The following RBFOX1 variants were observed in gnomAD, a reference collection of about 807,000 sequenced individuals.
RBFOX1 encodes the protein RNA binding fox-1 homolog 1.
RBFOX1 carries 8 observed loss-of-function variants against 57.7 expected under a neutral mutation model. The ratio of observed to expected loss-of-function variants is 0.14; its 90% CI spans 0.08 to 0.25. The LOEUF (loss-of-function observed/expected upper bound fraction) is 0.25, where lower values mean the gene tolerates loss of function less well. RBFOX1 is among the 10% of genes least tolerant of loss of function. The pLI is 1.00. For synonymous variants in RBFOX1, 326 were observed against 222.4 expected (o/e 1.47, Z -4.15); for missense variants, 611 against 548.5 (o/e 1.11, Z -1.14).
chr16:5,889,503 G>T (rs1302887992), intron 4 of RBFOX1, among the ~76,000 whole-genome samples: 1 of 152,172 alleles, frequency 6.6e-6, no homozygotes, highest in Non-Finnish European at 1.5e-5. Flanking sequence ...TCTTTACTAT[G>T]TGAAATAGTG....
At chr16:7,228,227 T>TTGAATGAATGAA (rs58948380) in intron 4 of RBFOX1, among the ~76,000 whole-genome samples, 3 of 151,990 alleles carry the variant, frequency 2.0e-5, no homozygotes, top group African/African-American at 7.3e-5. Context: ...TACATATTTG[T>TTGAATGAATGAA]TGAATGAATG....
chr16:7,093,038 T>C (rs1264848883), intron 4 of RBFOX1, among the ~76,000 whole-genome samples: 1 of 152,236 alleles, frequency 6.6e-6, no homozygotes, highest in East Asian at 1.9e-4. Flanking sequence ...AATTTTCGTT[T>C]TTTATTCCAA....
chr16:6,019,860 G>T lies in RBFOX1; in HGVS notation c.-259G>T. Reference sequence around the variant, plus strand: ...ACCTGCCCGCGAAGTTGCGGACAGTGCGTGAGAAACCAGCACCCCCTTCCG... The same window carrying T: ...ACCTGCCCGCGAAGTTGCGGACAGTTCGTGAGAAACCAGCACCCCCTTCCG... On this transcript the variant is annotated 5_prime_UTR_variant, in exon 1 of 16. Transcript: ENST00000550418. The surrounding 1 kb of genome is among the most constrained non-coding windows in gnomAD (Gnocchi z 4.2). 1 of 1,534,008 alleles carries T rather than the reference G, an allele frequency of 6.5e-7. No individual in the cohort carries two copies. Among genetic ancestry groups the T allele is most frequent in the Non-Finnish European group, 8.7e-7 (1 of 1,146,054 alleles).
chr16:5,680,615 G>A (rs1331206823), intron 3 of RBFOX1, among the ~76,000 whole-genome samples: 2 of 152,180 alleles, frequency 1.3e-5, no homozygotes, highest in East Asian at 3.9e-4. Context: ...AGTAGAAGTG[G>A]CTGTTAAAGT....
At position 6,361,628 on chromosome 16, in the gene RBFOX1, T is replaced by TTAAAAAAAAAAAAAAA. The variant is rs1371587081; in HGVS notation, c.-64+44571_-64+44572insTAAAAAAAAAAAAAAA. On this transcript the variant is annotated intron_variant, in intron 2 of 15. Transcript: ENST00000550418. Reference sequence around the variant, plus strand: ...GGGTGACACATTGAGACTCTGTCTCTAAAAAAAAAAAAAAAAATCATGGTC... The same window carrying TTAAAAAAAAAAAAAAA: ...GGGTGACACATTGAGACTCTGTCTCTTAAAAAAAAAAAAAAAAAAAAAAAAAAAAAAAATCATGGTC... Among the ~76,000 whole-genome samples, 196 of 127,904 alleles carry TTAAAAAAAAAAAAAAA rather than the reference T, an allele frequency of 1.5e-3. 1 individual carries two copies. The highest frequency in any genetic ancestry group is 5.3e-3 in the African/African-American group (181 of 34,368). The allele number at this position is 127,904 out of a possible 152,430, so 83.9% of individuals were successfully genotyped here. A position where few individuals can be genotyped will look rare whatever the true frequency, so the allele number is the denominator to read the frequency against.
At chr16:5,939,043 G>A (rs1413672134) in intron 4 of RBFOX1, among the ~76,000 whole-genome samples, 1 of 151,986 alleles carries the variant, frequency 6.6e-6, no homozygotes, top group Non-Finnish European at 1.5e-5. Context: ...ATTGAACAAT[G>A]AGAACACTTG....
chr16:7,437,196 C>T (rs1303518827), intron 4 of RBFOX1, among the ~76,000 whole-genome samples: 1 of 151,968 alleles, frequency 6.6e-6, no homozygotes, highest in Non-Finnish European at 1.5e-5. Context: ...TTTCCAAGTT[C>T]ACAATCACAA....
chr16:5,999,687 G>C lies in RBFOX1; in HGVS notation c.351+132352G>C, dbSNP rs150523938. ...CCATTCTGGCTAACACGGTGAAACC[G>C]TGTCTCTACTAAAAATACAAAAAAT... On this transcript the variant is annotated intron_variant, in intron 4 of 19. Transcript: ENST00000641259. Among the ~76,000 whole-genome samples the C allele has an allele frequency of 4.8e-3, 722 of 151,668 alleles. 8 individuals are homozygous for C. Among genetic ancestry groups the C allele is most frequent in the African/African-American group, 0.017 (687 of 41,396 alleles).
chr16:5,406,890 G>C (rs944886573), intron 1 of RBFOX1, among the ~76,000 whole-genome samples: 1 of 152,168 alleles, frequency 6.6e-6, no homozygotes, highest in African/African-American at 2.4e-5. Flanking sequence ...GGAGTACCTG[G>C]TGACAGCAGT....
intron 2 of RBFOX1, among the ~76,000 whole-genome samples, chr16:6,600,375 C>T (rs1051627060): frequency 6.6e-6 from 1 of 152,140 alleles, no homozygotes; most frequent in African/African-American, 2.4e-5. Context: ...CAGTCTGTCA[C>T]ATGTTCCGTT....
intron 2 of RBFOX1, among the ~76,000 whole-genome samples, chr16:6,350,444 GAAAAAAAAAAAAAAAAAAAAAA>G (rs569363563): frequency 0.011 from 848 of 74,474 alleles, 20 homozygotes; most frequent in Non-Finnish European, 0.016. Flanking sequence ...TCTGTCTCAA[GAAAAAAAAAAAAAAAAAAAAAA>G]AAAAAAAAAA....
chr16:7,561,937 T>G (rs973298137), intron 5 of RBFOX1, among the ~76,000 whole-genome samples: 3 of 152,058 alleles, frequency 2.0e-5, no homozygotes, highest in Admixed American at 6.6e-5. Context: ...CGAACTTTTG[T>G]GTTAAATTGA....
chr16:6,316,706 T>C lies in RBFOX1; in HGVS notation c.-126-289T>C, dbSNP rs146023896. Among the ~76,000 whole-genome samples, 504 of 152,286 alleles carry C rather than the reference T, an allele frequency of 3.3e-3. 4 individuals carry two copies. The highest frequency in any genetic ancestry group is 0.011 in the African/African-American group (476 of 41,562). ...CCGAGTTCAAATTCAGGCTTCACGA[T>C]GTACATGCATGTCTTGTCAACTGTG... is the stretch of plus-strand genomic sequence containing the variant. On this transcript the variant is annotated intron_variant, in intron 1 of 15. Coordinates refer to ENST00000550418, the MANE Select transcript of RBFOX1 (RefSeq NM_018723.4).
At chr16:6,540,307 C>T (rs962255544) in intron 2 of RBFOX1, among the ~76,000 whole-genome samples, 7 of 89,468 alleles carry the variant, frequency 7.8e-5, no homozygotes, top group Non-Finnish European at 1.1e-4. Context: ...AGCTGGCTGG[C>T]TGTAAAAAAA....
intron 1 of RBFOX1, among the ~76,000 whole-genome samples, chr16:5,316,159 C>G (rs1000789740): frequency 6.6e-6 from 1 of 152,236 alleles, no homozygotes; most frequent in Admixed American, 6.5e-5. Flanking sequence ...CCCACTTTTC[C>G]TCCTTTACCT....
intron 14 of RBFOX1, among the ~76,000 whole-genome samples, chr16:7,696,262 T>G (rs538537339): frequency 6.6e-6 from 1 of 152,316 alleles, no homozygotes; most frequent in East Asian, 1.9e-4. Flanking sequence ...GGGTATCACT[T>G]GGGACTAGGC....
At chr16:5,589,251 G>A (rs2046930519) in intron 2 of RBFOX1, among the ~76,000 whole-genome samples, 1 of 152,138 alleles carries the variant, frequency 6.6e-6, no homozygotes, top group Non-Finnish European at 1.5e-5. Flanking sequence ...GTGTACCAAG[G>A]GAATGCTTCT....
chr16:5,802,152 C>G (rs1419763543), intron 3 of RBFOX1, among the ~76,000 whole-genome samples: 1 of 152,128 alleles, frequency 6.6e-6, no homozygotes, highest in Non-Finnish European at 1.5e-5. Flanking sequence ...TTTAACTCCC[C>G]TTACTCCATG....
chr16:6,908,780 C>G (rs1028472382), intron 3 of RBFOX1, among the ~76,000 whole-genome samples: 31 of 152,296 alleles, frequency 2.0e-4, no homozygotes, highest in African/African-American at 7.2e-4. Context: ...CAAGTGCTTA[C>G]TGTCTCTCTG....
Sources: allele counts gnomAD v4.1 joint callset (sites outside exome capture counted in the v4.1 genomes callset), GRCh38; gene constraint gnomAD v4.1.1; non-coding constraint Gnocchi (gnomAD v3.1); transcripts MANE v1.5; gene names NCBI Gene and HGNC (gene_info 2026-07-23, HGNC 2026-07-21).